The following ACVR1 variants were observed in gnomAD, a reference collection of about 807,000 sequenced individuals.
ACVR1 encodes the protein activin receptor type-1.
ACVR1 carries 38 observed loss-of-function variants against 57.1 expected under a neutral mutation model. That is an observed-to-expected ratio of 0.67 (90% CI 0.51 to 0.87). The LOEUF (loss-of-function observed/expected upper bound fraction) is 0.87. Ranked by LOEUF, ACVR1 falls within the 40% of genes least tolerant of loss-of-function variation. The probability of loss-of-function intolerance (pLI) is 0.00; values close to 1 mark genes in which losing one functional copy is unlikely to be tolerated. For missense variants in ACVR1, 463 were observed against 638.2 expected (o/e 0.73, Z 2.96); for synonymous variants, 212 against 228.1 (o/e 0.93, Z 0.63).
chr2:157,780,911 A>G lies in ACVR1; in HGVS notation c.68-311T>C, dbSNP rs1189322813. On this transcript the variant is annotated intron_variant, in intron 3 of 10. Coordinates refer to ENST00000434821, the MANE Select transcript of ACVR1 (RefSeq NM_001111067.4). Reference sequence around the variant, plus strand: ...GCTTCTCCCCCTGTGGTGTTCATATAACCTTCAGCGTGATTGGCTCTAAGA... The same window carrying G: ...GCTTCTCCCCCTGTGGTGTTCATATGACCTTCAGCGTGATTGGCTCTAAGA... Among the ~76,000 whole-genome samples, 4 of 152,328 alleles carry G rather than the reference A, an allele frequency of 2.6e-5. No individual in the cohort carries two copies. In the East Asian group the frequency reaches 7.7e-4, roughly 29 times the overall value.
At chr2:157,828,754 T>A (rs1688481565) in intron 1 of ACVR1, among the ~76,000 whole-genome samples, 1 of 146,460 alleles carries the variant, frequency 6.8e-6, no homozygotes, top group South Asian at 2.1e-4. Flanking sequence ...GAGATTAGTT[T>A]TTTGTTTTTT....
At chr2:157,773,716 G>C (rs1686160026) in intron 6 of ACVR1, among the ~76,000 whole-genome samples, 1 of 151,932 alleles carries the variant, frequency 6.6e-6, no homozygotes, top group Non-Finnish European at 1.5e-5. Context: ...AGAATGAGAG[G>C]AATTAAAGAA....
chr2:157,768,984 A>C (rs1162495405), intron 7 of ACVR1, among the ~76,000 whole-genome samples: 1 of 152,230 alleles, frequency 6.6e-6, no homozygotes, highest in East Asian at 1.9e-4. Context: ...AGTGTGTGGT[A>C]AGAGTTAGAG....
At chr2:157,827,122 T>G in intron 1 of ACVR1, among the ~76,000 whole-genome samples, 1 of 152,154 alleles carries the variant, frequency 6.6e-6, no homozygotes, top group Non-Finnish European at 1.5e-5. Context: ...AATACCTTCC[T>G]GCAAGTATTT....
At position 157,779,632 on chromosome 2, in the gene ACVR1, G is replaced by GT. The variant is rs1024848560; in HGVS notation, c.331+704dup. On this transcript the variant is annotated intron_variant, in intron 4 of 10. Coordinates refer to ENST00000434821, the MANE Select transcript of ACVR1 (RefSeq NM_001111067.4). ...AAACCTATTAAAAATGTACTATATG[G>GT]TAAGAGAATAAATTTGGCTTGGAAT... is the stretch of plus-strand genomic sequence containing the variant. Among the ~76,000 whole-genome samples, 76 of 152,294 alleles carry GT rather than the reference G, an allele frequency of 5.0e-4. 1 individual carries two copies. Among genetic ancestry groups the GT allele is most frequent in the African/African-American group, 1.8e-3 (74 of 41,566 alleles).
chr2:157,858,392 C>T (rs987362231), intron 1 of ACVR1, among the ~76,000 whole-genome samples: 20 of 152,192 alleles, frequency 1.3e-4, no homozygotes, highest in South Asian at 4.1e-4. Flanking sequence ...TTACCGCCTC[C>T]TGTACCAGGA....
At chr2:157,804,632 C>A (rs575510487) in intron 2 of ACVR1, among the ~76,000 whole-genome samples, 1 of 152,290 alleles carries the variant, frequency 6.6e-6, no homozygotes, top group East Asian at 1.9e-4. Flanking sequence ...GACCGTCTAT[C>A]CCTGGTAACT....
chr2:157,826,366 T>C (rs1010377875), intron 1 of ACVR1, among the ~76,000 whole-genome samples: 8 of 151,970 alleles, frequency 5.3e-5, no homozygotes, highest in African/African-American at 1.9e-4. Flanking sequence ...AAGTTTAAAA[T>C]TATAGAAAAA....
intron 1 of ACVR1, among the ~76,000 whole-genome samples, chr2:157,842,705 T>C (rs781684703): frequency 6.6e-6 from 1 of 152,154 alleles, no homozygotes; most frequent in Non-Finnish European, 1.5e-5. Flanking sequence ...GATGATGCAA[T>C]TTACTCAATT....
At chr2:157,875,508 C>G (rs111289661) in intron 1 of ACVR1, 1 of 154,096 alleles carries the variant, frequency 6.5e-6, no homozygotes. Context: ...CACACACACA[C>G]GCACTCACAC....
intron 2 of ACVR1, among the ~76,000 whole-genome samples, chr2:157,800,955 C>T (rs926770887): frequency 2.0e-5 from 3 of 151,954 alleles, no homozygotes; most frequent in Non-Finnish European, 4.4e-5. Flanking sequence ...AAAGGTAAGC[C>T]CTTGGTGAAA....
chr2:157,854,445 G>A (rs766161500), intron 1 of ACVR1, among the ~76,000 whole-genome samples: 4 of 152,166 alleles, frequency 2.6e-5, no homozygotes, highest in South Asian at 2.1e-4. Flanking sequence ...TGTATCGGCC[G>A]GGTGCAGTGG....
chr2:157,851,902 CACA>C (rs1689322519), intron 1 of ACVR1, among the ~76,000 whole-genome samples: 16 of 85,774 alleles, frequency 1.9e-4, no homozygotes, highest in South Asian at 1.8e-3. Context: ...CACACACACA[CACA>C]CACACCACCC....
chr2:157,844,793 G>T (rs1048908689), intron 1 of ACVR1, among the ~76,000 whole-genome samples: 4 of 151,972 alleles, frequency 2.6e-5, no homozygotes, highest in African/African-American at 7.2e-5. Flanking sequence ...GTATTAAGAG[G>T]GGGGGAGCCT....
At chr2:157,751,068 C>G (rs1057331092) in intron 9 of ACVR1, among the ~76,000 whole-genome samples, 2 of 152,148 alleles carry the variant, frequency 1.3e-5, no homozygotes, top group Non-Finnish European at 2.9e-5. Context: ...TCAACGGACC[C>G]TTTGAAGGAA....
intron 1 of ACVR1, among the ~76,000 whole-genome samples, chr2:157,856,774 T>A (rs576986055): frequency 6.6e-5 from 10 of 152,336 alleles, no homozygotes; most frequent in Admixed American, 2.6e-4. Context: ...AAATTGTGTA[T>A]GTTTTAAATA....
intron 9 of ACVR1, among the ~76,000 whole-genome samples, chr2:157,748,831 C>G (rs1685070441): frequency 6.6e-6 from 1 of 152,154 alleles, no homozygotes; most frequent in South Asian, 2.1e-4. Context: ...CACTACCTCA[C>G]AGAAAGTCCT....
intron 9 of ACVR1, among the ~76,000 whole-genome samples, chr2:157,754,663 C>T (rs1685348135): frequency 6.6e-6 from 1 of 151,874 alleles, no homozygotes; most frequent in South Asian, 2.1e-4. Context: ...AATTCACAGC[C>T]GAATTCTATC....
chr2:157,802,284 C>T (rs1416869889), intron 2 of ACVR1, among the ~76,000 whole-genome samples: 1 of 151,926 alleles, frequency 6.6e-6, no homozygotes, highest in Non-Finnish European at 1.5e-5. Context: ...TGCCTGTGGC[C>T]AGAGCAAGCA....
Sources: gnomAD v4.1 joint callset for allele counts (sites outside exome capture counted in the v4.1 genomes callset) on GRCh38, gnomAD v4.1.1 for gene constraint, MANE v1.5 for transcripts, NCBI Gene and HGNC (gene_info 2026-07-23, HGNC 2026-07-21) for gene names.